Variants in FLNB observed in about 807,000 individuals in gnomAD.
The protein encoded by FLNB is filamin-B.
In FLNB, 111 loss-of-function variants were observed where a neutral mutation model predicts 250.6. The observed-to-expected ratio is 0.44, with a 90% CI of 0.38 to 0.52. The LOEUF is 0.52. FLNB is among the 20% of genes least tolerant of loss of function. The pLI is 0.00. For missense variants in FLNB, 2,869 were observed against 3,447.8 expected (o/e 0.83, Z 4.20); for synonymous variants, 1,302 against 1,372.1 (o/e 0.95, Z 1.13).
intron 1 of FLNB, among the ~76,000 whole-genome samples, chr3:58,046,771 G>A (rs1048480729): frequency 4.6e-5 from 7 of 152,126 alleles, no homozygotes; most frequent in African/African-American, 1.7e-4. Context: ...AAGAACCCCT[G>A]TATCCATTAG....
chr3:58,076,953 A>G (rs2097202580), intron 1 of FLNB, 93 bp from the exon 2 acceptor site: 2 of 1,398,328 alleles, frequency 1.4e-6, no homozygotes, highest in Non-Finnish European at 2.0e-6. Flanking sequence ...ATGGTTCTCT[A>G]ATAGTTGAAG....
intron 24 of FLNB, among the ~76,000 whole-genome samples, chr3:58,128,147 C>T (rs1231810499): frequency 1.3e-5 from 2 of 152,162 alleles, no homozygotes; most frequent in East Asian, 3.9e-4. Flanking sequence ...GGTTGAGGGG[C>T]CCACTGCTGG....
rs764325066 is a variant in FLNB, at chr3:58,169,664, A to G, written c.7492A>G (p.Thr2498Ala). The change falls in exon 45 of 46, where the codon ACA (threonine) becomes GCA (alanine). Residue 2498 changes from threonine (T) to alanine (A), a missense_variant. Transcript: ENST00000295956. The surrounding 1 kb of genome is among the most constrained non-coding windows in gnomAD (Gnocchi z 4.8). ...GGTGGAGTCAGTGACCAGGTCGTCTACAGAGACCTGCTATAGCGCCATTCC... is the reference window on the plus strand; with the variant it reads ...GGTGGAGTCAGTGACCAGGTCGTCTGCAGAGACCTGCTATAGCGCCATTCC... ...ILVESVTRSS[T>A]ETCYSAIPKA... is the part of the protein sequence containing the mutation. The G allele has an allele frequency of 2.5e-6, 4 of 1,613,796 alleles. No homozygotes were observed. The highest frequency in any genetic ancestry group is 1.1e-5 in the South Asian group (1 of 91,074).
chr3:58,149,772 G>A (rs2097341753), intron 36 of FLNB, 78 bp from the exon 37 acceptor site: 4 of 1,569,578 alleles, frequency 2.5e-6, no homozygotes, highest in African/African-American at 1.4e-5. Context: ...GTAAGGGTCG[G>A]ATGTCCTTTC....
chr3:58,092,977 C>T (rs913618799), intron 4 of FLNB, among the ~76,000 whole-genome samples: 1 of 152,132 alleles, frequency 6.6e-6, no homozygotes, highest in African/African-American at 2.4e-5. Context: ...AGTGCAGACG[C>T]CATTAAGGGC....
rs775071887 is a variant in FLNB at position 58,112,131 on chromosome 3, C to T, written c.2576-18C>T. ...CTCCAGCTGGTCTGTCTCCTCACTT[C>T]ACAGTATATCTTTCCAGGTGTGGAA... is the stretch of plus-strand genomic sequence containing the variant. On this transcript the variant is annotated intron_variant, in intron 17 of 45. Coordinates refer to ENST00000295956, the MANE Select transcript of FLNB (RefSeq NM_001457.4). 6.2e-7 allele frequency: 1 copy of T among 1,612,934 alleles called. No individual in the cohort carries two copies. Among genetic ancestry groups the T allele is most frequent in the South Asian group, 1.1e-5 (1 of 90,944 alleles).
intron 3 of FLNB, among the ~76,000 whole-genome samples, chr3:58,081,003 A>G (rs1401867053): frequency 6.6e-6 from 1 of 152,038 alleles, no homozygotes; most frequent in African/African-American, 2.4e-5. Context: ...CATGTTGGCC[A>G]GGCTTGTCTC....
In FLNB at chr3:58,061,773, T is replaced by C. The variant is rs1384057881; in HGVS notation, c.293-15273T>C. On this transcript the variant is annotated intron_variant, in intron 1 of 45. Coordinates refer to ENST00000295956, the MANE Select transcript of FLNB (RefSeq NM_001457.4). ...TCCAAAAAAAAAAAAAAAAGTAACATATGTAGTTTAAATTTTAAAAATTAA... is the reference window on the plus strand; with the variant it reads ...TCCAAAAAAAAAAAAAAAAGTAACACATGTAGTTTAAATTTTAAAAATTAA... Among the ~76,000 whole-genome samples, 4 of 139,062 alleles carry C rather than the reference T, an allele frequency of 2.9e-5. No individual in the cohort carries two copies. The Admixed American group carries it at 2.9e-4, about 10-fold the overall frequency. 91.2% of individuals were successfully genotyped at this position (139,062 alleles called of 152,430 possible). A position where few individuals can be genotyped will look rare whatever the true frequency, so the allele number is the denominator to read the frequency against.
At chr3:58,072,934 C>CGATTTCATGTTAAT (rs1300116182) in intron 1 of FLNB, among the ~76,000 whole-genome samples, 1 of 152,112 alleles carries the variant, frequency 6.6e-6, no homozygotes, top group Non-Finnish European at 1.5e-5. Flanking sequence ...TAGAGCAAGC[C>CGATTTCATGTTAAT]GATTTCATGT....
intron 1 of FLNB, among the ~76,000 whole-genome samples, chr3:58,012,284 C>T (rs2097100147): frequency 6.6e-6 from 1 of 150,482 alleles, no homozygotes; most frequent in Non-Finnish European, 1.5e-5. Flanking sequence ...TAGGGGAGAA[C>T]AGCCTGGTTG....
chr3:58,083,239 CTT>C (rs71091340), intron 4 of FLNB, among the ~76,000 whole-genome samples: 376 of 136,404 alleles, frequency 2.8e-3, no homozygotes, highest in Middle Eastern at 3.9e-3. Context: ...TTTCCCCAAA[CTT>C]TTTTTTTTTT....
chr3:58,059,296 C>A (rs2097174716), intron 1 of FLNB, among the ~76,000 whole-genome samples: 1 of 152,098 alleles, frequency 6.6e-6, no homozygotes, highest in South Asian at 2.1e-4. Flanking sequence ...ATTTCCAGGA[C>A]ATAATTACTT....
In FLNB at chr3:58,096,143, A is replaced by T; in HGVS notation, c.909A>T (p.Ala303=). 6.2e-7 allele frequency: 1 copy of T among 1,613,460 alleles called. No individual in the cohort carries two copies. The highest frequency in any genetic ancestry group is 8.5e-7 in the Non-Finnish European group (1 of 1,179,538). Residue 303 remains alanine, a splice_region_variant and synonymous_variant, in exon 6 of 46, where the codon GCA becomes GCT. Coordinates refer to ENST00000295956, the MANE Select transcript of FLNB (RefSeq NM_001457.4). The part of the protein sequence containing the change: ...VEDPEGNKEE[A]QVTPDSDKNK... ...CTGTTGCCCACCTTCCCTCCTAGGCACAAGTGACCCCTGACAGTGACAAGA... is the reference window on the plus strand; with the variant it reads ...CTGTTGCCCACCTTCCCTCCTAGGCTCAAGTGACCCCTGACAGTGACAAGA...
chr3:58,081,494 A>G (rs1028814288), intron 3 of FLNB, 135 bp from the exon 4 acceptor site: 1 of 900,788 alleles, frequency 1.1e-6, no homozygotes, highest in African/African-American at 1.6e-5. Flanking sequence ...GTTGGTTTAA[A>G]GTAATTTCAC....
intron 4 of FLNB, among the ~76,000 whole-genome samples, chr3:58,088,124 C>T (rs2097220479): frequency 6.8e-6 from 1 of 146,686 alleles, no homozygotes; most frequent in African/African-American, 2.5e-5. Context: ...TCGCTGCAAC[C>T]CCCGCCTCTG....
intron 1 of FLNB, among the ~76,000 whole-genome samples, chr3:58,014,475 A>G (rs1165572261): frequency 6.6e-6 from 1 of 152,224 alleles, no homozygotes; most frequent in African/African-American, 2.4e-5. Flanking sequence ...TCTCCCAGCA[A>G]CGGCGGAGCC....
chr3:58,122,954 C>T (rs896286151), intron 20 of FLNB, 139 bp from the exon 21 acceptor site: 11 of 804,972 alleles, frequency 1.4e-5, no homozygotes, highest in African/African-American at 8.4e-5. Context: ...CTCGTGTGCA[C>T]GTGTGACACA....
At chr3:58,163,664 C>A in intron 43 of FLNB, 1 of 352,238 alleles carries the variant, frequency 2.8e-6, no homozygotes, top group Non-Finnish European at 5.4e-6. Context: ...TTGAGGGTTT[C>A]TTTGCCTGCA....
In FLNB at chr3:58,143,577, G is replaced by A. The variant is rs1422850100; in HGVS notation, c.5389G>A (p.Glu1797Lys). 1.2e-6 allele frequency: 2 copies of A among 1,614,062 alleles called. No individual in the cohort carries two copies. The highest frequency in any genetic ancestry group is 1.7e-6 in the Non-Finnish European group (2 of 1,180,050). Reference protein sequence around the residue: ...RYAPTEVGLHEMHIKYMGSHI... With the variant: ...RYAPTEVGLHKMHIKYMGSHI... ...TGCCCCCACTGAGGTCGGGCTCCAT[G>A]AGATGCACATCAAATACATGGGCAG... Residue 1797 changes from glutamate (E) to lysine (K), a missense_variant, in exon 32 of 46, where the codon GAG becomes AAG. Glu to Lys is a moderately conservative substitution (Grantham distance 56, BLOSUM62 1). Transcript: ENST00000295956.
Sources: allele counts gnomAD v4.1 joint callset (sites outside exome capture counted in the v4.1 genomes callset), GRCh38; gene constraint gnomAD v4.1.1; non-coding constraint Gnocchi (gnomAD v3.1); transcripts MANE v1.5; gene names NCBI Gene and HGNC (gene_info 2026-07-23, HGNC 2026-07-21).